The following PXN variants were observed in gnomAD, a reference collection of about 807,000 sequenced individuals.
The protein encoded by PXN is testicular tissue protein Li 134.
In PXN, 61 loss-of-function variants were observed where a neutral mutation model predicts 103.6. The ratio of observed to expected loss-of-function variants is 0.59; its 90% confidence interval spans 0.48 to 0.73. PXN has a LOEUF of 0.73. PXN is among the 30% of genes least tolerant of loss of function. The pLI, the probability that PXN is intolerant of heterozygous loss-of-function variation, is 0.00. For synonymous variants in PXN, 562 were observed against 607.8 expected (o/e 0.92, Z 1.11); for missense variants, 1,274 against 1,460.3 (o/e 0.87, Z 2.08).
intron 1 of PXN, chr12:120,226,010 G>T (rs1886772373): frequency 2.8e-6 from 3 of 1,058,300 alleles, no homozygotes; most frequent in South Asian, 5.0e-5. Context: ...CCTACAGCCC[G>T]CCCCGCCCTC....
Position 120,224,233 on chromosome 12 carries a change from G to T in PXN, c.158C>A (p.Pro53Gln). 4.3e-6 allele frequency: 7 copies of T among 1,612,422 alleles called. No homozygotes were observed. The highest frequency in any genetic ancestry group is 5.9e-6 in the Non-Finnish European group (7 of 1,178,666). ...TGTGCCATTGAGGGCCTCGCTGGAC[G>T]GGGGTGGGGGGACGGGGGGTGGCAC... ...IAVPPPVPPP[P>Q]SSEALNGTIL... Residue 53 changes from proline to glutamine, a missense_variant, in exon 2 of 15, where the codon CCG (proline) becomes CAG (glutamine). By Grantham distance (76) the Pro-to-Gln change is moderately conservative. Around this residue, in one of 2 missense-constraint regions of PXN, gnomAD observed 1,178 missense variants for 1,309.0 expected, o/e 0.90. Transcript: ENST00000637617. This position sits in a 1 kb window ranked among gnomAD's most constrained non-coding sequence, Gnocchi z 5.0.
At chr12:120,255,259 G>A (rs1892818497) in intron 1 of PXN, among the ~76,000 whole-genome samples, 1 of 152,194 alleles carries the variant, frequency 6.6e-6, no homozygotes, top group South Asian at 2.1e-4. Context: ...GGGATCAGAG[G>A]AGACTTGGGA....
intron 1 of PXN, among the ~76,000 whole-genome samples, chr12:120,263,653 G>A (rs757296430): frequency 3.9e-5 from 6 of 152,194 alleles, no homozygotes; most frequent in Non-Finnish European, 8.8e-5. Context: ...TTGGCTTTAA[G>A]GTGGAATCTG....
chr12:120,212,072 G>T lies in PXN; in HGVS notation c.*242C>A. The T allele has an allele frequency of 1.4e-6, 1 of 735,564 alleles. No homozygotes were observed. Among genetic ancestry groups the T allele is most frequent in the Non-Finnish European group, 2.5e-6 (1 of 403,284 alleles). 45.6% of individuals were successfully genotyped at this position (735,564 alleles called of 1,614,324 possible). A position where few individuals can be genotyped will look rare whatever the true frequency, so the allele number is the denominator to read the frequency against. The stretch of plus-strand genomic sequence containing the variant: ...GGAGCCCCCAGCCTCTACCCCTGGG[G>T]AGGATGGAGAGTGGGCAGCCTAGGG... On this transcript the variant is annotated 3_prime_UTR_variant, in exon 15 of 15. Coordinates refer to ENST00000637617, the MANE Select transcript of PXN (RefSeq NM_001385981.1). This position sits in a 1 kb window ranked among gnomAD's most constrained non-coding sequence, Gnocchi z 7.2.
chr12:120,244,189 C>T (rs921228404), intron 1 of PXN, among the ~76,000 whole-genome samples: 3 of 148,026 alleles, frequency 2.0e-5, no homozygotes, highest in African/African-American at 7.5e-5. Context: ...CCACCCCTCC[C>T]CAACCAGCAA....
intron 1 of PXN, among the ~76,000 whole-genome samples, chr12:120,248,168 G>C (rs757909426): frequency 3.3e-5 from 5 of 152,160 alleles, no homozygotes; most frequent in Non-Finnish European, 7.3e-5. Flanking sequence ...CAAGAGAGGT[G>C]AAGAGCAGGA....
In PXN at chr12:120,224,725, A is replaced by C. The variant is rs1345414527; in HGVS notation, c.14-348T>G. On this transcript the variant is annotated intron_variant, in intron 1 of 14. Coordinates refer to ENST00000637617, the MANE Select transcript of PXN (RefSeq NM_001385981.1). The surrounding 1 kb of genome is among the most constrained non-coding windows in gnomAD (Gnocchi z 5.0). ...AGTGAAGTGCCTGTCTGGAACTCTG[A>C]ATCTGCAGGGCAACGCGGAGAGAAT... 5.6e-6 allele frequency: 3 copies of C among 539,518 alleles called. No homozygotes were observed. Among genetic ancestry groups the C allele is most frequent in the Non-Finnish European group, 1.1e-5 (3 of 281,554 alleles). The allele number at this position is 539,518 out of a possible 1,614,324, so 33.4% of individuals were successfully genotyped here.
In PXN at chr12:120,219,326, T is replaced by C; in HGVS notation, c.1597A>G (p.Arg533Gly). Residue 533 changes from arginine (R) to glycine (G), a missense_variant, in exon 7 of 15, where the codon AGG (arginine) becomes GGG (glycine). By Grantham distance (125) the Arg-to-Gly change is moderately radical. Around this residue, in one of 2 missense-constraint regions of PXN, gnomAD observed 1,178 missense variants for 1,309.0 expected, o/e 0.90. Coordinates refer to ENST00000637617, the MANE Select transcript of PXN (RefSeq NM_001385981.1). The surrounding 1 kb of genome is among the most constrained non-coding windows in gnomAD (Gnocchi z 6.5). ...GCTTCCGTGGTGCCCTCTGGGCTCC[T>C]TGGGGTTTCAGGTCCCTGGGTTGGC... ...ARPTQGPETP[R>G]SPEGTTEAAT... 3 of 1,598,430 alleles carry C rather than the reference T, an allele frequency of 1.9e-6. No homozygotes were observed. The highest frequency in any genetic ancestry group is 4.5e-5 in the East Asian group (2 of 44,870).
chr12:120,213,980 C>T lies in PXN; in HGVS notation c.2841G>A (p.Glu947=), dbSNP rs555678620. 6.2e-7 allele frequency: 1 copy of T among 1,612,290 alleles called. No individual in the cohort carries two copies. Among genetic ancestry groups the T allele is most frequent in the South Asian group, 1.1e-5 (1 of 90,538 alleles). Residue 947 remains glutamate (E), a synonymous_variant, in exon 14 of 15, where the codon GAG becomes GAA. Coordinates refer to ENST00000637617, the MANE Select transcript of PXN (RefSeq NM_001385981.1). The surrounding 1 kb of genome is among the most constrained non-coding windows in gnomAD (Gnocchi z 4.2). ...TGCGACAGTAGGCCTTGCCGTCCTT[C>T]TCGTGGAACCCTGGGGAGCGGGGGT... ...GAFFGPEGFH[E]KDGKAYCRKD...
At chr12:120,264,755 G>C (rs1894417674) in intron 1 of PXN, among the ~76,000 whole-genome samples, 1 of 152,200 alleles carries the variant, frequency 6.6e-6, no homozygotes, top group African/African-American at 2.4e-5. Flanking sequence ...CATACCTTGG[G>C]GCCCACCTTC....
chr12:120,220,393 G>T lies in PXN; in HGVS notation c.832-302C>A, dbSNP rs1884758169. ...AGGTGGACAAATGGGGAGCCAGGTG[G>T]CTACGGAAGACAGCCCCAGGCACAA... On this transcript the variant is annotated intron_variant, in intron 6 of 14. Transcript: ENST00000637617. The surrounding 1 kb of genome is among the most constrained non-coding windows in gnomAD (Gnocchi z 6.1). Among the ~76,000 whole-genome samples the T allele has an allele frequency of 6.6e-6, 1 of 152,170 alleles. No individual in the cohort carries two copies. Among genetic ancestry groups the T allele is most frequent in the South Asian group, 2.1e-4 (1 of 4,830 alleles).
chr12:120,264,529 C>T (rs1418980503), intron 1 of PXN, among the ~76,000 whole-genome samples: 4 of 152,238 alleles, frequency 2.6e-5, no homozygotes, highest in South Asian at 2.1e-4. Flanking sequence ...GCACCAACCC[C>T]CTTGGGTTTA....
intron 1 of PXN, chr12:120,226,592 C>T (rs941979066): frequency 1.7e-6 from 2 of 1,192,380 alleles, no homozygotes; most frequent in Non-Finnish European, 2.1e-6. Flanking sequence ...TAAGCCTGGG[C>T]TTTTGGTTTA....
rs1226279763 is a variant in PXN, at chr12:120,222,238, A to C, written c.695+311T>G. Among the ~76,000 whole-genome samples the C allele has an allele frequency of 6.6e-6, 1 of 152,200 alleles. No homozygotes were observed. Among genetic ancestry groups the C allele is most frequent in the Non-Finnish European group, 1.5e-5 (1 of 68,032 alleles). ...CTTGTCCCATTTTACAGATGGGAAA[A>C]CTAAGGCTTGAGAGCTGACAGTAAC... On this transcript the variant is annotated intron_variant, in intron 5 of 14. Transcript: ENST00000637617. This position sits in a 1 kb window ranked among gnomAD's most constrained non-coding sequence, Gnocchi z 4.7.
Position 120,216,641 on chromosome 12 carries a change from G to C in PXN, c.1993-60C>G. 6.5e-7 allele frequency: 1 copy of C among 1,548,988 alleles called. No homozygotes were observed. Among genetic ancestry groups the C allele is most frequent in the Non-Finnish European group, 8.6e-7 (1 of 1,164,456 alleles). ...GAAATCGCCAGCTCAGCCCACAGGG[G>C]TGGCGGGACCTCCCCAGGCTCCCCC... On this transcript the variant is annotated intron_variant, in intron 8 of 14. Coordinates refer to ENST00000637617, the MANE Select transcript of PXN (RefSeq NM_001385981.1). This position sits in a 1 kb window ranked among gnomAD's most constrained non-coding sequence, Gnocchi z 5.1.
chr12:120,255,146 AT>A (rs1892803894), intron 1 of PXN, among the ~76,000 whole-genome samples: 2 of 152,222 alleles, frequency 1.3e-5, no homozygotes, highest in Admixed American at 1.3e-4. Flanking sequence ...CACACAGGTT[AT>A]AAAAGAGGTC....
rs764843937 is a variant in PXN, at chr12:120,216,935, G to A, written c.1898C>T (p.Ala633Val). The A allele has an allele frequency of 1.2e-5, 18 of 1,531,060 alleles. No individual in the cohort carries two copies. The highest frequency in any genetic ancestry group is 4.8e-5 in the South Asian group (4 of 83,990). The allele number at this position is 1,531,060 out of a possible 1,614,324, so 94.8% of individuals were successfully genotyped here. A position where few individuals can be genotyped will look rare whatever the true frequency, so the allele number is the denominator to read the frequency against. Residue 633 changes from alanine (A) to valine (V), a missense_variant, in exon 8 of 15, where the codon GCG (alanine) becomes GTG (valine). Physicochemically the swap from Ala to Val is moderately conservative, Grantham distance 64. Around this residue, in one of 2 missense-constraint regions of PXN, gnomAD observed 1,178 missense variants for 1,309.0 expected, o/e 0.90. Coordinates refer to ENST00000637617, the MANE Select transcript of PXN (RefSeq NM_001385981.1). This position sits in a 1 kb window ranked among gnomAD's most constrained non-coding sequence, Gnocchi z 5.1. ...IQPEAEEPAE[A>V]AGPSAQDWLT... ...CCAGTCCTGGGCAGAGGGCCCCGCC[G>A]CCTCCGCCGGCTCCTCTGCCTCAGG...
chr12:120,264,485 C>T (rs1272715012), intron 1 of PXN, among the ~76,000 whole-genome samples: 1 of 152,220 alleles, frequency 6.6e-6, no homozygotes, highest in Non-Finnish European at 1.5e-5. Context: ...CCCACTCCTG[C>T]GTTCACGCCA....
Position 120,222,776 on chromosome 12 carries a change from G to A in PXN, c.494-26C>T, listed in dbSNP as rs201589207. On this transcript the variant is annotated intron_variant, in intron 4 of 14. Transcript: ENST00000637617. This position sits in a 1 kb window ranked among gnomAD's most constrained non-coding sequence, Gnocchi z 4.7. ...CTTGCAGAGAGGAGAGAAAAAGGCT[G>A]CTCAGCCCTTGAGCCCTCCTGGGAT... is the stretch of plus-strand genomic sequence containing the variant. 8.6e-5 allele frequency: 138 copies of A among 1,599,270 alleles called. No individual in the cohort carries two copies. The African/African-American group carries it at 1.5e-3, about 17-fold the overall frequency.
Sources: gnomAD v4.1 joint callset for allele counts (sites outside exome capture counted in the v4.1 genomes callset) on GRCh38, gnomAD v4.1.1 for gene constraint, gnomAD v4.1.1 regional missense constraint, Gnocchi (gnomAD v3.1) non-coding constraint, MANE v1.5 for transcripts, NCBI Gene and HGNC (gene_info 2026-07-23, HGNC 2026-07-21) for gene names.